Variants in CDH12 observed in about 807,000 individuals in gnomAD.
CDH12 encodes cadherin-12.
In CDH12, 41 loss-of-function variants were observed where a neutral mutation model predicts 74.1. The observed-to-expected ratio is 0.55, with a 90% CI of 0.43 to 0.72. The LOEUF (loss-of-function observed/expected upper bound fraction) is 0.72. Among genes scored for constraint, CDH12 ranks in the 30% least tolerant of loss-of-function variants. The pLI is 0.00. For synonymous variants in CDH12, 399 were observed against 355.0 expected (o/e 1.12, Z -1.39); for missense variants, 945 against 977.2 (o/e 0.97, Z 0.44).
chr5:22,471,109 C>T (rs1170538770), intron 2 of CDH12, among the ~76,000 whole-genome samples: 1 of 150,376 alleles, frequency 6.6e-6, no homozygotes, highest in African/African-American at 2.5e-5. Context: ...ATCTCTTTCT[C>T]GGTTGATGAA....
chr5:22,121,882 A>G (rs892947839), intron 4 of CDH12, among the ~76,000 whole-genome samples: 12 of 152,096 alleles, frequency 7.9e-5, no homozygotes, highest in African/African-American at 2.9e-4. Context: ...TGACTGCCTG[A>G]ACTTAAAACA....
intron 5 of CDH12, among the ~76,000 whole-genome samples, chr5:22,063,270 A>G (rs1294790738): frequency 6.6e-6 from 1 of 152,118 alleles, no homozygotes; most frequent in East Asian, 1.9e-4. Context: ...CCTTGACCTC[A>G]TATATGTATT....
chr5:22,399,158 A>G (rs1304211364), intron 3 of CDH12, among the ~76,000 whole-genome samples: 1 of 151,742 alleles, frequency 6.6e-6, no homozygotes, highest in African/African-American at 2.4e-5. Flanking sequence ...ATACATATCT[A>G]TATCTATTTA....
In CDH12 at chr5:22,418,061, T is replaced by A. The variant is rs554189758; in HGVS notation, c.-427-12710A>T. On this transcript the variant is annotated intron_variant, in intron 2 of 14. Coordinates refer to ENST00000382254, the MANE Select transcript of CDH12 (RefSeq NM_004061.5). ...TTGGGCAGTATGGCCATTTTCACAA[T>A]ATTGATTCTCCTACCCATGAGACTG... 3.9e-5 allele frequency among the ~76,000 whole-genome samples: 6 copies of A among 152,348 alleles called. No homozygotes were observed. In the South Asian group the frequency reaches 1.2e-3, roughly 32 times the overall value.
intron 3 of CDH12, among the ~76,000 whole-genome samples, chr5:22,298,658 A>G (rs1434441233): frequency 2.0e-5 from 3 of 152,158 alleles, no homozygotes; most frequent in African/African-American, 7.2e-5. Flanking sequence ...ATTCTCATTC[A>G]CACCACCAGT....
intron 1 of CDH12, among the ~76,000 whole-genome samples, chr5:22,535,285 G>A (rs896092071): frequency 6.6e-6 from 1 of 151,542 alleles, no homozygotes; most frequent in Admixed American, 6.6e-5. Context: ...CTCCCGAGTA[G>A]CTGGGACTAC....
intron 1 of CDH12, among the ~76,000 whole-genome samples, chr5:22,623,738 C>G (rs937065028): frequency 6.6e-6 from 1 of 152,120 alleles, no homozygotes; most frequent in Non-Finnish European, 1.5e-5. Context: ...GGCCATACTG[C>G]CCAAGGTAAT....
At chr5:22,001,340 A>C (rs1736590532) in intron 5 of CDH12, among the ~76,000 whole-genome samples, 1 of 151,974 alleles carries the variant, frequency 6.6e-6, no homozygotes, top group South Asian at 2.1e-4. Context: ...TCCATGTCAC[A>C]GCATGTATCA....
intron 2 of CDH12, among the ~76,000 whole-genome samples, chr5:22,415,944 A>G (rs996874253): frequency 1.3e-5 from 2 of 152,146 alleles, no homozygotes; most frequent in Non-Finnish European, 2.9e-5. Context: ...CAGAGAGTAA[A>G]CTGCTAAAGT....
intron 1 of CDH12, among the ~76,000 whole-genome samples, chr5:22,681,501 C>T (rs116451266): frequency 0.012 from 1,796 of 151,934 alleles, 34 homozygotes; most frequent in African/African-American, 0.042. Flanking sequence ...GCTGCAAGAT[C>T]GGGATCTGTC....
intron 1 of CDH12, among the ~76,000 whole-genome samples, chr5:22,687,707 G>T (rs2126938497): frequency 6.6e-6 from 1 of 152,282 alleles, no homozygotes; most frequent in Middle Eastern, 3.4e-3. Flanking sequence ...GAGCCACTGT[G>T]CCTGGCTCAT....
At chr5:22,262,574 AT>A (rs1753559202) in intron 3 of CDH12, among the ~76,000 whole-genome samples, 1 of 151,294 alleles carries the variant, frequency 6.6e-6, no homozygotes, top group East Asian at 2.0e-4. Context: ...CGCAATAAAC[AT>A]ACGTGTGCAT....
rs1376810102 is a variant in CDH12 at position 21,751,480 on chromosome 5, C to A, written c.*257G>T. 5.5e-5 allele frequency: 22 copies of A among 399,750 alleles called. No individual in the cohort carries two copies. In the Admixed American group the frequency reaches 9.2e-4, roughly 17 times the overall value. The allele number at this position is 399,750 out of a possible 1,614,324, so 24.8% of individuals were successfully genotyped here. A position where few individuals can be genotyped will look rare whatever the true frequency, so the allele number is the denominator to read the frequency against. ...TTGTCTCAGTGTGATTGTGAAAAAA[C>A]AAAACAACAAAACAAAGCAAGTACA... On this transcript the variant is annotated 3_prime_UTR_variant, in exon 15 of 15. Transcript: ENST00000382254.
intron 1 of CDH12, among the ~76,000 whole-genome samples, chr5:22,735,178 A>G (rs936067624): frequency 6.6e-6 from 1 of 151,924 alleles, no homozygotes; most frequent in African/African-American, 2.4e-5. Context: ...AACTACCTCA[A>G]CATAATACAA....
intron 5 of CDH12, among the ~76,000 whole-genome samples, chr5:22,036,495 AACAG>A (rs1460971646): frequency 2.6e-5 from 4 of 152,176 alleles, no homozygotes; most frequent in African/African-American, 7.2e-5. Flanking sequence ...ACTGTTCACG[AACAG>A]ACAGAGAGAT....
intron 4 of CDH12, among the ~76,000 whole-genome samples, chr5:22,127,508 G>C (rs1322133715): frequency 1.3e-5 from 2 of 149,096 alleles, no homozygotes; most frequent in East Asian, 3.9e-4. Flanking sequence ...AAAAGTAGGT[G>C]AAAAGAAGTA....
chr5:22,124,741 G>A lies in CDH12; in HGVS notation c.-186-45879C>T, dbSNP rs113276658. On this transcript the variant is annotated intron_variant, in intron 4 of 14. Transcript: ENST00000382254. Reference sequence around the variant, plus strand: ...CTTTCCCTGGATCTGATCTTCACATGGGTGAGGATCTTTGAATGTATGGAG... The same window carrying A: ...CTTTCCCTGGATCTGATCTTCACATAGGTGAGGATCTTTGAATGTATGGAG... Among the ~76,000 whole-genome samples, 136 of 152,184 alleles carry A rather than the reference G, an allele frequency of 8.9e-4. 2 individuals carry two copies. The highest frequency in any genetic ancestry group is 2.8e-3 in the African/African-American group (118 of 41,508).
At chr5:22,114,080 A>C (rs1387150113) in intron 4 of CDH12, among the ~76,000 whole-genome samples, 7 of 152,150 alleles carry the variant, frequency 4.6e-5, no homozygotes, top group African/African-American at 1.4e-4. Flanking sequence ...ACCCAGCCCC[A>C]GTGTTTTAGA....
Position 22,230,535 on chromosome 5 carries a change from G to A in CDH12, c.-332-17892C>T, listed in dbSNP as rs574140665. ...TGCCCAGGCTGGAGTGCAGTGGCAT[G>A]ATCTTGACTCACGGCAACCTCCACC... On this transcript the variant is annotated intron_variant, in intron 3 of 14. Transcript: ENST00000382254. Among the ~76,000 whole-genome samples the A allele has an allele frequency of 2.7e-5, 4 of 147,688 alleles. No homozygotes were observed. In the South Asian group the frequency reaches 6.4e-4, roughly 24 times the overall value.
Sources: gnomAD v4.1 joint callset for allele counts (sites outside exome capture counted in the v4.1 genomes callset) on GRCh38, gnomAD v4.1.1 for gene constraint, MANE v1.5 for transcripts, NCBI Gene and HGNC (gene_info 2026-07-23, HGNC 2026-07-21) for gene names.